Variants in CCDC194 observed in about 807,000 individuals in gnomAD.
CCDC194 encodes coiled-coil domain containing 194, also known as coiled-coil domain-containing protein 194.
Under a neutral mutation model 4.9 loss-of-function variants are expected in CCDC194, and 8 were observed. That is an observed-to-expected ratio of 1.65 (90% CI 0.97 to 2.97). The LOEUF is 2.97. CCDC194 is among the 30% of genes most tolerant of loss of function. The probability of loss-of-function intolerance (pLI) is 0.00; values close to 1 mark genes in which losing one functional copy is unlikely to be tolerated. For missense variants in CCDC194, 52 were observed against 43.1 expected (o/e 1.21, Z -0.58); for synonymous variants, 13 against 17.0 (o/e 0.76, Z 0.58).
Position 17,390,644 on chromosome 19 carries a change from G to T in CCDC194, c.570C>A (p.Ala190=), listed in dbSNP as rs932418667. The T allele has an allele frequency of 1.8e-5, 7 of 397,840 alleles. No individual in the cohort carries two copies. Among genetic ancestry groups the T allele is most frequent in the Admixed American group, 4.4e-5 (1 of 22,686 alleles). 24.6% of individuals were successfully genotyped at this position (397,840 alleles called of 1,614,324 possible). A position where few individuals can be genotyped will look rare whatever the true frequency, so the allele number is the denominator to read the frequency against. ...GCACTCTGCGCTGTGGGCTCATCTC[G>T]GCTTCCAGGACGTTACTGCCGGGAA... is the stretch of plus-strand genomic sequence containing the variant. Residue 190 remains alanine, a synonymous_variant, in exon 4 of 4, where the codon GCC becomes GCA. Transcript: ENST00000636079. The surrounding 1 kb of genome is among the most constrained non-coding windows in gnomAD (Gnocchi z 5.5).
intron 2 of CCDC194, 27 bp downstream of exon 2, chr19:17,391,723 T>G (rs1406251874): frequency 1.3e-6 from 2 of 1,535,700 alleles, no homozygotes; most frequent in South Asian, 2.4e-5. Flanking sequence ...CTTCTATCCC[T>G]GCCCACTCCC....
In CCDC194 at chr19:17,392,121, G is replaced by C. The variant is rs555724842; in HGVS notation, c.325-275C>G. The C allele has an allele frequency of 8.7e-5, 27 of 312,094 alleles. No homozygotes were observed. The South Asian group carries it at 2.6e-3, about 30-fold the overall frequency. 19.3% of individuals were successfully genotyped at this position (312,094 alleles called of 1,614,324 possible). A position where few individuals can be genotyped will look rare whatever the true frequency, so the allele number is the denominator to read the frequency against. ...CAGAAAGTGGAGAGTGCTGAGCTCT[G>C]CGGTCAGATTCAAGTTCCACTTTCA... On this transcript the variant is annotated intron_variant, in intron 1 of 3. Coordinates refer to ENST00000636079, the Ensembl canonical transcript of CCDC194.
At chr19:17,391,225 C>T in exon 3 of CCDC194, 1 of 400,674 alleles carries the variant, frequency 2.5e-6, no homozygotes, top group Non-Finnish European at 4.4e-6. Context: ...GTTCGCGCAG[C>T]GCCGCCTCCC....
chr19:17,393,693 G>A (rs970792421), intron 1 of CCDC194, 142 bp downstream of exon 1: 4 of 388,976 alleles, frequency 1.0e-5, no homozygotes, highest in African/African-American at 8.3e-5. Flanking sequence ...GAAGGCATTA[G>A]GGCGCTATTC....
At chr19:17,393,697 G>A (rs2074663560) in intron 1 of CCDC194, 138 bp downstream of exon 1, 1 of 389,312 alleles carries the variant, frequency 2.6e-6, no homozygotes, top group Non-Finnish European at 4.5e-6. Context: ...GCATTAGGGC[G>A]CTATTCTCAA....
At chr19:17,388,322 C>T (rs1040748013), downstream of CCDC194, among the ~76,000 whole-genome samples, 1 of 151,632 alleles carries the variant, frequency 6.6e-6, no homozygotes, top group Non-Finnish European at 1.5e-5. Context: ...GCTTCAGCCT[C>T]CCAAGTAGCT....
At position 17,390,544 on chromosome 19, in the gene CCDC194, C is replaced by A. The variant is rs1599587220; in HGVS notation, c.670G>T (p.Gly224Cys). The A allele has an allele frequency of 2.5e-6, 1 of 396,302 alleles. No individual in the cohort carries two copies. The highest frequency in any genetic ancestry group is 2.1e-5 in the African/African-American group (1 of 48,468). 24.5% of individuals were successfully genotyped at this position (396,302 alleles called of 1,614,324 possible). The change falls in exon 4 of 4, where the codon GGC (glycine) becomes TGC (cysteine). Residue 224 changes from glycine (G) to cysteine (C), a missense_variant. Physicochemically the swap from Gly to Cys is radical, Grantham distance 159 (BLOSUM62 -3). Transcript: ENST00000636079. The surrounding 1 kb of genome is among the most constrained non-coding windows in gnomAD (Gnocchi z 5.5). ...GCGCGCCGCGCCGGCCGCCGGCAGC[C>A]CCCGGAGGGTCCGGAGCGAGAGCGC...
At chr19:17,389,732 G>A (rs565828455), downstream of CCDC194, among the ~76,000 whole-genome samples, 20 of 152,222 alleles carry the variant, frequency 1.3e-4, no homozygotes, top group South Asian at 3.5e-3. Flanking sequence ...TTGGGAGGCC[G>A]GGTGGGCGGA....
At chr19:17,393,228 T>A (rs2074661346) in intron 1 of CCDC194, among the ~76,000 whole-genome samples, 1 of 152,090 alleles carries the variant, frequency 6.6e-6, no homozygotes, top group Non-Finnish European at 1.5e-5. Flanking sequence ...AGCCTCCTAA[T>A]TACAGGTGAC....
In CCDC194 at chr19:17,391,772, C is replaced by A; in HGVS notation, c.399G>T (p.Gly133=). 2.0e-6 allele frequency: 3 copies of A among 1,535,730 alleles called. No individual in the cohort carries two copies. In the South Asian group the frequency reaches 3.6e-5, roughly 18 times the overall value. The change falls in exon 2 of 4, where the codon GGG becomes GGT. Residue 133 remains glycine (G), a synonymous_variant. Transcript: ENST00000636079. ...CACCTGTCAGCGCCCCGTTCTCGGC[C>A]CCCATCTGGGTCCCCTGTGCCTTGG...
chr19:17,392,051 G>A, intron 1 of CCDC194: 1 of 489,994 alleles, frequency 2.0e-6, no homozygotes, highest in East Asian at 3.5e-5. Context: ...TGCCTGCCTG[G>A]AGGGAGATCT....
At position 17,390,745 on chromosome 19, in the gene CCDC194, G is replaced by A; in HGVS notation, c.555-86C>T. ...CCCTCATCCGCCAGAGCGTCCCTTT[G>A]CTGGGAACTCCATCCCCAGAGATCC... On this transcript the variant is annotated intron_variant, in intron 3 of 3. Transcript: ENST00000636079. The surrounding 1 kb of genome is among the most constrained non-coding windows in gnomAD (Gnocchi z 5.5). 2.5e-6 allele frequency: 1 copy of A among 392,700 alleles called. No individual in the cohort carries two copies. Among genetic ancestry groups the A allele is most frequent in the Non-Finnish European group, 4.5e-6 (1 of 222,052 alleles). The allele number at this position is 392,700 out of a possible 1,614,324, so 24.3% of individuals were successfully genotyped here.
intron 2 of CCDC194, 97 bp from the exon 3 acceptor site, chr19:17,391,440 C>A: frequency 1.8e-6 from 1 of 545,818 alleles, no homozygotes; most frequent in Non-Finnish European, 3.1e-6. Context: ...GCCGTTTGCA[C>A]GCTTTCCTTT....
At chr19:17,393,710 C>A (rs2145738592) in intron 1 of CCDC194, 125 bp downstream of exon 1, 1 of 390,724 alleles carries the variant, frequency 2.6e-6, no homozygotes, top group Non-Finnish European at 4.5e-6. Flanking sequence ...ATTCTCAATA[C>A]CCTCTCAATT....
At chr19:17,393,874 G>T (rs1449364297) in exon 1 of CCDC194, 1 of 397,552 alleles carries the variant, frequency 2.5e-6, no homozygotes, top group Non-Finnish European at 4.4e-6. Context: ...TCTCCAACTC[G>T]TGCCGGATAC....
downstream of CCDC194, among the ~76,000 whole-genome samples, chr19:17,389,826 G>T (rs554617975): frequency 1.3e-4 from 20 of 152,174 alleles, no homozygotes; most frequent in Non-Finnish European, 2.5e-4. Flanking sequence ...TCAGCTGGGC[G>T]TAGTGGTGGG....
rs2074651830 is a variant in CCDC194, at chr19:17,390,936, G to A, written c.554+275C>T. 6.6e-6 allele frequency among the ~76,000 whole-genome samples: 1 copy of A among 151,248 alleles called. No individual in the cohort carries two copies. The highest frequency in any genetic ancestry group is 2.4e-5 in the African/African-American group (1 of 41,070). ...CCTTTTCCTTGCTCCCTTCTCTTCC[G>A]TTCCCCGTCCCTCTCGGGGCTCCCA... On this transcript the variant is annotated intron_variant, in intron 3 of 3. Transcript: ENST00000636079. This position sits in a 1 kb window ranked among gnomAD's most constrained non-coding sequence, Gnocchi z 5.5.
At chr19:17,392,431 C>A (rs947718462) in intron 1 of CCDC194, 4 of 152,254 alleles carry the variant, frequency 2.6e-5, no homozygotes, top group Non-Finnish European at 4.4e-5. Context: ...AGCTATTGTG[C>A]CACTGCACTC....
At chr19:17,387,888 T>G (rs1212120499), downstream of CCDC194, among the ~76,000 whole-genome samples, 1 of 151,968 alleles carries the variant, frequency 6.6e-6, no homozygotes, top group Non-Finnish European at 1.5e-5. Context: ...TCTTTTCTAT[T>G]TATTTTTATT....
Sources: allele counts gnomAD v4.1 joint callset (sites outside exome capture counted in the v4.1 genomes callset), GRCh38; gene constraint gnomAD v4.1.1; non-coding constraint Gnocchi (gnomAD v3.1); transcripts MANE v1.5; gene names NCBI Gene and HGNC (gene_info 2026-07-23, HGNC 2026-07-21).